The following MCPH1 variants were observed in gnomAD, a reference collection of about 807,000 sequenced individuals.
MCPH1 encodes the protein microcephalin 1, also known as microcephalin.
MCPH1 carries 104 observed loss-of-function variants against 84.5 expected under a neutral mutation model. The observed-to-expected ratio is 1.23, with a 90% confidence interval of 1.05 to 1.45. MCPH1 has a LOEUF of 1.45. MCPH1 is among the 40% of genes most tolerant of loss of function. The pLI is 0.00. For synonymous variants in MCPH1, 514 were observed against 366.8 expected (o/e 1.40, Z -4.58); for missense variants, 1,498 against 1,005.7 (o/e 1.49, Z -6.62).
intron 12 of MCPH1, chr8:6,563,242 C>T: frequency 9.1e-6 from 2 of 220,472 alleles, no homozygotes; most frequent in Admixed American, 5.0e-5. Flanking sequence ...CCTACAGTGT[C>T]AGTATCCGAA....
intron 13 of MCPH1, among the ~76,000 whole-genome samples, chr8:6,628,081 T>A (rs1796876896): frequency 6.6e-6 from 1 of 152,158 alleles, no homozygotes; most frequent in Admixed American, 6.5e-5. Context: ...ATGGTTATCT[T>A]TGAAACTTCC....
At chr8:6,505,251 T>TATGTATATATAGAA (rs1563305171) in intron 12 of MCPH1, among the ~76,000 whole-genome samples, 2 of 82,210 alleles carry the variant, frequency 2.4e-5, no homozygotes, top group African/African-American at 5.0e-5. Context: ...TATATATTCT[T>TATGTATATATAGAA]TATATATGTT....
chr8:6,577,999 G>C (rs987350410), intron 12 of MCPH1, among the ~76,000 whole-genome samples: 4 of 152,212 alleles, frequency 2.6e-5, no homozygotes, highest in African/African-American at 9.7e-5. Flanking sequence ...GGGATGTCCT[G>C]CATCTCTGAA....
At chr8:6,577,294 C>T (rs554939811) in intron 12 of MCPH1, among the ~76,000 whole-genome samples, 23 of 152,302 alleles carry the variant, frequency 1.5e-4, no homozygotes, top group South Asian at 4.1e-4. Context: ...CTTTCCCTTC[C>T]CGTCACCACG....
intron 13 of MCPH1, among the ~76,000 whole-genome samples, chr8:6,631,472 A>C (rs973052612): frequency 3.3e-5 from 5 of 152,018 alleles, no homozygotes; most frequent in South Asian, 4.2e-4. Context: ...TCAACAACAA[A>C]AAAAAAACCC....
At chr8:6,596,122 C>T (rs1828907934) in intron 12 of MCPH1, among the ~76,000 whole-genome samples, 2 of 152,160 alleles carry the variant, frequency 1.3e-5, no homozygotes, top group African/African-American at 2.4e-5. Context: ...GCTTGCCAAG[C>T]ATGCTGAACA....
rs971137601 is a variant in MCPH1, at chr8:6,646,828, C to A, written c.*3779C>A. On this transcript the variant is annotated 3_prime_UTR_variant, in exon 14 of 14. Transcript: ENST00000344683. ...AGCAAAACTGTTTCCAGTTGAGAAC[C>A]ATTGACCTAATGTAAAAAATAAAAT... is the stretch of plus-strand genomic sequence containing the variant. The A allele has an allele frequency of 1.3e-5, 2 of 152,080 alleles. No homozygotes were observed. The highest frequency in any genetic ancestry group is 4.8e-5 in the African/African-American group (2 of 41,390). The allele number at this position is 152,080 out of a possible 1,614,324, so 9.4% of individuals were successfully genotyped here.
At position 6,621,504 on chromosome 8, in the gene MCPH1, C is replaced by T. The variant is rs778371848; in HGVS notation, c.2265C>T (p.Leu755=). The change falls in exon 13 of 14, where the codon CTC becomes CTT. Residue 755 remains leucine (L), a synonymous_variant. Coordinates refer to ENST00000344683, the MANE Select transcript of MCPH1 (RefSeq NM_024596.5). ...HLSAGPYRGT[L]FADQPAMFVS... The stretch of plus-strand genomic sequence containing the variant: ...CTGCAGGGCCGTACCGCGGAACCCT[C>T]TTTGCCGACCAGCCAGCGATGTTTG... 1.2e-6 allele frequency: 2 copies of T among 1,614,166 alleles called. No individual in the cohort carries two copies. The highest frequency in any genetic ancestry group is 3.3e-5 in the Admixed American group (2 of 60,024).
chr8:6,523,006 T>G (rs73199054), intron 12 of MCPH1, among the ~76,000 whole-genome samples: 21 of 152,096 alleles, frequency 1.4e-4, no homozygotes, highest in Middle Eastern at 3.4e-3. Flanking sequence ...GTTTTTTTTT[T>G]TCTTTTTTTG....
intron 4 of MCPH1, among the ~76,000 whole-genome samples, chr8:6,433,647 A>C (rs1202770163): frequency 1.3e-5 from 2 of 150,730 alleles, no homozygotes; most frequent in Non-Finnish European, 2.9e-5. Flanking sequence ...AAAAAAAAAA[A>C]AAAAAAAACC....
chr8:6,433,387 C>G (rs894773245), intron 4 of MCPH1, among the ~76,000 whole-genome samples: 5 of 152,116 alleles, frequency 3.3e-5, no homozygotes, highest in East Asian at 3.9e-4. Context: ...AATCCCAGCA[C>G]TTCAGAAGGC....
At chr8:6,547,508 AGGG>A (rs2129574573) in intron 12 of MCPH1, among the ~76,000 whole-genome samples, 1 of 152,328 alleles carries the variant, frequency 6.6e-6, no homozygotes, top group East Asian at 1.9e-4. Context: ...AACAACTGGA[AGGG>A]GAAGAAGTTA....
intron 12 of MCPH1, chr8:6,532,521 G>A: frequency 6.6e-7 from 1 of 1,516,392 alleles, no homozygotes; most frequent in Non-Finnish European, 8.9e-7. Context: ...GCAGTCATTA[G>A]TCAAATGACC....
At chr8:6,543,096 C>T (rs561428422) in intron 12 of MCPH1, among the ~76,000 whole-genome samples, 1 of 151,952 alleles carries the variant, frequency 6.6e-6, no homozygotes, top group South Asian at 2.1e-4. Flanking sequence ...GACAGAAACC[C>T]CCGCAACTCC....
chr8:6,452,833 A>G (rs1477133568), intron 8 of MCPH1, among the ~76,000 whole-genome samples: 1 of 152,236 alleles, frequency 6.6e-6, no homozygotes, highest in Non-Finnish European at 1.5e-5. Flanking sequence ...TTGTTATGGT[A>G]GCCCCAGCCG....
chr8:6,634,736 T>A (rs1797419628), intron 13 of MCPH1: 1 of 152,252 alleles, frequency 6.6e-6, no homozygotes, highest in African/African-American at 2.4e-5. Flanking sequence ...TTCTTATGCC[T>A]TGACTACTGT....
chr8:6,418,218 C>A (rs1449611633), intron 3 of MCPH1, among the ~76,000 whole-genome samples: 2 of 152,090 alleles, frequency 1.3e-5, no homozygotes, highest in Non-Finnish European at 1.5e-5. Flanking sequence ...GAGGCCGGAG[C>A]TTCTGCTTGA....
At chr8:6,544,001 T>C (rs1374156922) in intron 12 of MCPH1, among the ~76,000 whole-genome samples, 1 of 152,338 alleles carries the variant, frequency 6.6e-6, no homozygotes, top group East Asian at 1.9e-4. Context: ...AACCTTGTTT[T>C]AGATCTGATC....
At position 6,589,144 on chromosome 8, in the gene MCPH1, G is replaced by A. The variant is rs559333447; in HGVS notation, c.2215-32310G>A. On this transcript the variant is annotated intron_variant, in intron 12 of 13. Transcript: ENST00000344683. Reference sequence around the variant, plus strand: ...TCCTCCTGTGGGCTCGGGGAAGACAGTTTTTTTCTGTGGTGATAGATGGTC... The same window carrying A: ...TCCTCCTGTGGGCTCGGGGAAGACAATTTTTTTCTGTGGTGATAGATGGTC... Among the ~76,000 whole-genome samples, 4 of 152,294 alleles carry A rather than the reference G, an allele frequency of 2.6e-5. No individual in the cohort carries two copies. The South Asian group carries it at 8.3e-4, about 32-fold the overall frequency.
Sources: allele counts gnomAD v4.1 joint callset (sites outside exome capture counted in the v4.1 genomes callset), GRCh38; gene constraint gnomAD v4.1.1; transcripts MANE v1.5; gene names NCBI Gene and HGNC (gene_info 2026-07-23, HGNC 2026-07-21).